The following PARD3 variants were observed in gnomAD, a reference collection of about 807,000 sequenced individuals.
PARD3 encodes par-3 family cell polarity regulator, also known as partitioning defective 3 homolog.
Under a neutral mutation model 155.4 loss-of-function variants are expected in PARD3, and 75 were observed. The observed-to-expected ratio is 0.48, with a 90% CI of 0.40 to 0.58. The LOEUF is 0.58. Ranked by LOEUF, PARD3 falls within the 20% of genes least tolerant of loss-of-function variation. The pLI is 0.00. For missense variants in PARD3, 1,642 were observed against 1,721.7 expected (o/e 0.95, Z 0.82); for synonymous variants, 576 against 610.5 (o/e 0.94, Z 0.83).
intron 22 of PARD3, among the ~76,000 whole-genome samples, chr10:34,178,292 A>G (rs2133173758): frequency 6.6e-6 from 1 of 152,000 alleles, no homozygotes; most frequent in East Asian, 1.9e-4. Flanking sequence ...ATCCAATTTC[A>G]GCAAGCGGAA....
intron 2 of PARD3, among the ~76,000 whole-genome samples, chr10:34,580,261 C>T (rs941501997): frequency 6.6e-6 from 1 of 151,922 alleles, no homozygotes; most frequent in African/African-American, 2.4e-5. Context: ...TGGCCAGGCA[C>T]AGTAGTTCAT....
chr10:34,644,506 A>C (rs1287523137), intron 2 of PARD3, among the ~76,000 whole-genome samples: 3 of 152,220 alleles, frequency 2.0e-5, no homozygotes, highest in Non-Finnish European at 4.4e-5. Flanking sequence ...ATTTGTGCTC[A>C]AGGTTTCAGG....
chr10:34,550,314 C>T (rs758273192), intron 2 of PARD3, among the ~76,000 whole-genome samples: 7 of 152,152 alleles, frequency 4.6e-5, no homozygotes, highest in Non-Finnish European at 7.4e-5. Flanking sequence ...TGGATTCCAG[C>T]GATCCACCCA....
chr10:34,414,222 T>TAA (rs768850296), intron 5 of PARD3, among the ~76,000 whole-genome samples: 1 of 139,960 alleles, frequency 7.1e-6, no homozygotes, highest in Non-Finnish European at 1.6e-5. Flanking sequence ...CCCTCGCTCT[T>TAA]AAAAAAAAAA....
intron 1 of PARD3, among the ~76,000 whole-genome samples, chr10:34,757,343 T>C (rs1283230182): frequency 6.6e-6 from 1 of 152,224 alleles, no homozygotes; most frequent in Non-Finnish European, 1.5e-5. Flanking sequence ...AGGTGTGACA[T>C]GCTACAGCCT....
At chr10:34,451,480 T>C (rs553956859) in intron 4 of PARD3, among the ~76,000 whole-genome samples, 31 of 152,162 alleles carry the variant, frequency 2.0e-4, no homozygotes, top group Middle Eastern at 3.4e-3. Flanking sequence ...GAACACCCAA[T>C]ACAAACACAG....
intron 17 of PARD3, among the ~76,000 whole-genome samples, chr10:34,336,945 C>A (rs1216659276): frequency 6.6e-6 from 1 of 151,882 alleles, no homozygotes; most frequent in Admixed American, 6.6e-5. Context: ...AATACAATTT[C>A]AATGAAATTG....
In PARD3 at chr10:34,434,755, C is replaced by A. The variant is rs138200172; in HGVS notation, c.714+15562G>T. On this transcript the variant is annotated intron_variant, in intron 5 of 24. Transcript: ENST00000374788. ...TACAATTGCCAAGATTAGAGGCATA[C>A]AGAAAAGAGGAGGAAAAAGTAAAGA... Among the ~76,000 whole-genome samples, 104 of 152,236 alleles carry A rather than the reference C, an allele frequency of 6.8e-4. 1 individual carries two copies. Among genetic ancestry groups the A allele is most frequent in the South Asian group, 6.7e-3 (32 of 4,808 alleles).
chr10:34,794,724 T>C (rs1219503993), intron 1 of PARD3, among the ~76,000 whole-genome samples: 2 of 152,254 alleles, frequency 1.3e-5, no homozygotes, highest in African/African-American at 4.8e-5. Context: ...GTTAGATCTT[T>C]GGGCTCATGA....
At chr10:34,410,717 C>A (rs1435296845) in intron 5 of PARD3, among the ~76,000 whole-genome samples, 2 of 152,174 alleles carry the variant, frequency 1.3e-5, no homozygotes, top group African/African-American at 4.8e-5. Flanking sequence ...ATCTGCATGT[C>A]TTATAAACAG....
chr10:34,432,337 TACACACACACACAC>T (rs71917947), intron 5 of PARD3, among the ~76,000 whole-genome samples: 67 of 143,562 alleles, frequency 4.7e-4, no homozygotes, highest in Middle Eastern at 3.6e-3. Context: ...CACGTGCACA[TACACACACACACAC>T]ACACACACAC....
At chr10:34,355,935 AAAAAAAAAAAACAAAACAAAACC>A (rs1412218164) in intron 14 of PARD3, among the ~76,000 whole-genome samples, 6 of 130,430 alleles carry the variant, frequency 4.6e-5, no homozygotes, top group African/African-American at 2.5e-4. Context: ...AAAAAAAAAA[AAAAAAAAAAAACAAAACAAAACC>A]AAACAAAAAA....
At chr10:34,516,619 G>T (rs1449666370) in intron 3 of PARD3, among the ~76,000 whole-genome samples, 1 of 152,210 alleles carries the variant, frequency 6.6e-6, no homozygotes, top group Admixed American at 6.5e-5. Flanking sequence ...TAACAGAGTT[G>T]ACTGTAATGA....
intron 5 of PARD3, among the ~76,000 whole-genome samples, chr10:34,419,069 C>G (rs1455378310): frequency 6.6e-6 from 1 of 152,000 alleles, no homozygotes. Flanking sequence ...AACCACTGCA[C>G]CTAGCCTAGA....
chr10:34,481,891 G>A (rs1480915789), intron 3 of PARD3, among the ~76,000 whole-genome samples: 1 of 151,898 alleles, frequency 6.6e-6, no homozygotes, highest in African/African-American at 2.4e-5. Context: ...GGAGTAGAGT[G>A]GTACAATCAT....
At chr10:34,268,510 A>G (rs1263295866) in intron 22 of PARD3, among the ~76,000 whole-genome samples, 2 of 150,032 alleles carry the variant, frequency 1.3e-5, no homozygotes, top group East Asian at 1.9e-4. Flanking sequence ...TCACAATAGC[A>G]AAGACTTGGA....
chr10:34,813,495 A>C (rs765501093), intron 1 of PARD3, among the ~76,000 whole-genome samples: 11 of 152,126 alleles, frequency 7.2e-5, no homozygotes, highest in Non-Finnish European at 1.5e-4. Context: ...ATTCCCACTA[A>C]TTTTATTTGA....
chr10:34,341,481 C>T (rs998219791), intron 16 of PARD3, 146 bp downstream of exon 16: 4 of 536,188 alleles, frequency 7.5e-6, no homozygotes, highest in Non-Finnish European at 1.2e-5. Flanking sequence ...CGGGTATAAT[C>T]TTTTATTATA....
chr10:34,335,097 C>A (rs1836024030), intron 18 of PARD3, among the ~76,000 whole-genome samples: 1 of 151,832 alleles, frequency 6.6e-6, no homozygotes, highest in Non-Finnish European at 1.5e-5. Flanking sequence ...TGAACTATCA[C>A]ATAACATTTC....
Sources: allele counts gnomAD v4.1 joint callset (sites outside exome capture counted in the v4.1 genomes callset), GRCh38; gene constraint gnomAD v4.1.1; transcripts MANE v1.5; gene names NCBI Gene and HGNC (gene_info 2026-07-23, HGNC 2026-07-21).